DCLK1: variants seen among roughly 807,000 people sequenced by gnomAD.
DCLK1 encodes the protein serine/threonine-protein kinase DCLK1.
Under a neutral mutation model 86.2 loss-of-function variants are expected in DCLK1, and 16 were observed. The observed-to-expected ratio is 0.19, with a 90% CI of 0.13 to 0.28. DCLK1 has a LOEUF of 0.28. Among genes scored for constraint, DCLK1 ranks in the 10% least tolerant of loss-of-function variants. DCLK1 has a pLI of 1.00. For synonymous variants in DCLK1, 369 were observed against 370.5 expected (o/e 1.00, Z 0.05); for missense variants, 590 against 940.2 (o/e 0.63, Z 4.87).
Position 36,072,010 on chromosome 13 carries a change from T to A in DCLK1, c.723+39859A>T, listed in dbSNP as rs570592135. Among the ~76,000 whole-genome samples the A allele has an allele frequency of 1.1e-4, 16 of 152,330 alleles. No individual in the cohort carries two copies. In the South Asian group the frequency reaches 2.7e-3, roughly 26 times the overall value. The stretch of plus-strand genomic sequence containing the variant: ...TAGACCAAATTCTCGATTTTAATAA[T>A]TCAAATATCAGATTGAAGCCATTCT... On this transcript the variant is annotated intron_variant, in intron 3 of 16. Coordinates refer to ENST00000360631, the MANE Select transcript of DCLK1 (RefSeq NM_001330071.2).
At chr13:35,834,918 C>G (rs1356058801) in intron 8 of DCLK1, among the ~76,000 whole-genome samples, 1 of 152,186 alleles carries the variant, frequency 6.6e-6, no homozygotes, top group African/African-American at 2.4e-5. Context: ...ACTCTGCTAC[C>G]TGAGCTGGGG....
At chr13:35,986,046 G>C (rs1371672489) in intron 3 of DCLK1, among the ~76,000 whole-genome samples, 1 of 152,086 alleles carries the variant, frequency 6.6e-6, no homozygotes, top group African/African-American at 2.4e-5. Context: ...GGTCATGCCT[G>C]TAATCCCAGC....
At chr13:36,037,586 C>A (rs557869800) in intron 3 of DCLK1, among the ~76,000 whole-genome samples, 1 of 151,898 alleles carries the variant, frequency 6.6e-6, no homozygotes. Flanking sequence ...TGGGTTCAAG[C>A]GATTCTCGTG....
intron 3 of DCLK1, among the ~76,000 whole-genome samples, chr13:36,037,978 T>C (rs1308776946): frequency 6.6e-6 from 1 of 152,168 alleles, no homozygotes; most frequent in Non-Finnish European, 1.5e-5. Context: ...AAGATACAGC[T>C]CACTGCAGCC....
chr13:35,790,692 C>G (rs951813284), intron 16 of DCLK1, among the ~76,000 whole-genome samples: 2 of 152,010 alleles, frequency 1.3e-5, no homozygotes, highest in African/African-American at 4.8e-5. Flanking sequence ...ATGATGTGAG[C>G]AAATTAATCA....
chr13:35,901,362 T>G (rs973577763), intron 4 of DCLK1, among the ~76,000 whole-genome samples: 2 of 151,564 alleles, frequency 1.3e-5, no homozygotes, highest in Non-Finnish European at 2.9e-5. Context: ...TGGTGGCAGG[T>G]GCCTGTAGTC....
chr13:36,030,821 A>G (rs1025136385), intron 3 of DCLK1, among the ~76,000 whole-genome samples: 2 of 151,988 alleles, frequency 1.3e-5, no homozygotes, highest in African/African-American at 4.8e-5. Flanking sequence ...GGTCCCAGGG[A>G]ATCTCCCCAA....
In DCLK1 at chr13:36,108,087, A is replaced by C. The variant is rs865830523; in HGVS notation, c.723+3782T>G. Among the ~76,000 whole-genome samples the C allele has an allele frequency of 3.9e-3, 580 of 149,590 alleles. 7 individuals carry two copies. Among genetic ancestry groups the C allele is most frequent in the African/African-American group, 0.014 (555 of 40,192 alleles). On this transcript the variant is annotated intron_variant, in intron 3 of 16. Coordinates refer to ENST00000360631, the MANE Select transcript of DCLK1 (RefSeq NM_001330071.2). ...CAAGGCCCAGATTTAAAAAAAAAAAAAATGCATCACTGAAATTAAGGCATG... is the reference window on the plus strand; with the variant it reads ...CAAGGCCCAGATTTAAAAAAAAAAACAATGCATCACTGAAATTAAGGCATG...
intron 4 of DCLK1, among the ~76,000 whole-genome samples, chr13:35,925,609 T>C (rs751717791): frequency 4.5e-4 from 68 of 152,352 alleles, no homozygotes; most frequent in Non-Finnish European, 8.5e-4. Context: ...CATTTTAATG[T>C]GTTTTAAGTT....
At chr13:35,885,278 C>T (rs2153117545) in intron 4 of DCLK1, among the ~76,000 whole-genome samples, 2 of 152,210 alleles carry the variant, frequency 1.3e-5, no homozygotes, top group African/African-American at 4.8e-5. Flanking sequence ...AAAATCATCT[C>T]AGAGCCTGCA....
Position 35,849,136 on chromosome 13 carries a change from A to G in DCLK1, c.1035+5363T>C, listed in dbSNP as rs576812926. On this transcript the variant is annotated intron_variant, in intron 6 of 16. Transcript: ENST00000360631. ...TAGGGCTAAGTTTTCAAATGCTGTT[A>G]GATTGCCTGGACGTTTTTTCTTCTT... 169 of 985,356 alleles carry G rather than the reference A, an allele frequency of 1.7e-4. No homozygotes were observed. The African/African-American group carries it at 2.7e-3, about 16-fold the overall frequency. The allele number at this position is 985,356 out of a possible 1,614,324, so 61.0% of individuals were successfully genotyped here. A position where few individuals can be genotyped will look rare whatever the true frequency, so the allele number is the denominator to read the frequency against.
intron 3 of DCLK1, among the ~76,000 whole-genome samples, chr13:35,984,257 A>C (rs1357719889): frequency 3.3e-5 from 5 of 152,230 alleles, no homozygotes. Context: ...ATCATTAATA[A>C]AACGGAATCC....
intron 10 of DCLK1, among the ~76,000 whole-genome samples, chr13:35,824,796 C>T (rs534349713): frequency 3.9e-5 from 6 of 152,282 alleles, no homozygotes; most frequent in African/African-American, 1.4e-4. Flanking sequence ...CTTCATTCCA[C>T]CCTGTTTAAT....
chr13:36,095,639 TCCAC>T (rs1274888029), intron 3 of DCLK1, among the ~76,000 whole-genome samples: 1 of 152,196 alleles, frequency 6.6e-6, no homozygotes, highest in Non-Finnish European at 1.5e-5. Context: ...ACATATAAAT[TCCAC>T]CACCCCTTCC....
chr13:36,108,767 G>A (rs576733345), intron 3 of DCLK1, among the ~76,000 whole-genome samples: 1 of 152,278 alleles, frequency 6.6e-6, no homozygotes, highest in South Asian at 2.1e-4. Flanking sequence ...TTCCCATATT[G>A]TTTATGGAGT....
At chr13:36,084,543 A>G (rs568056406) in intron 3 of DCLK1, among the ~76,000 whole-genome samples, 201 of 152,320 alleles carry the variant, frequency 1.3e-3, no homozygotes, top group Non-Finnish European at 2.3e-3. Context: ...ATTATAAAGG[A>G]GGGGGACAAA....
rs572501540 is a variant in DCLK1, at chr13:35,830,877, C to T, written c.1230-2570G>A. 1.6e-3 allele frequency among the ~76,000 whole-genome samples: 241 copies of T among 152,312 alleles called. 2 individuals carry two copies. The highest frequency in any genetic ancestry group is 3.4e-3 in the Middle Eastern group (1 of 294). Reference sequence around the variant, plus strand: ...AAGTGGTTTCTTAGCTTGGTGATTTCCCCATGTTTGCCATTTGATGCTCTT... The same window carrying T: ...AAGTGGTTTCTTAGCTTGGTGATTTTCCCATGTTTGCCATTTGATGCTCTT... On this transcript the variant is annotated intron_variant, in intron 8 of 16. Coordinates refer to ENST00000360631, the MANE Select transcript of DCLK1 (RefSeq NM_001330071.2).
In DCLK1 at chr13:35,986,844, G is replaced by A. The variant is rs150104412; in HGVS notation, c.724-39387C>T. On this transcript the variant is annotated intron_variant, in intron 3 of 16. Coordinates refer to ENST00000360631, the MANE Select transcript of DCLK1 (RefSeq NM_001330071.2). The stretch of plus-strand genomic sequence containing the variant: ...TAGTTTTTCAGGGGTGATGATGCGC[G>A]CAATGGGTATGAAGCACAGAACATG... Among the ~76,000 whole-genome samples the A allele has an allele frequency of 1.4e-4, 22 of 152,168 alleles. No homozygotes were observed. The East Asian group carries it at 4.1e-3, about 28-fold the overall frequency.
At chr13:35,996,265 TAAG>T (rs1235135284) in intron 3 of DCLK1, among the ~76,000 whole-genome samples, 2 of 152,156 alleles carry the variant, frequency 1.3e-5, no homozygotes, top group African/African-American at 4.8e-5. Context: ...ATCAGTGCTT[TAAG>T]AAGGAGAGAT....
Sources: gnomAD v4.1 joint callset for allele counts (sites outside exome capture counted in the v4.1 genomes callset) on GRCh38, gnomAD v4.1.1 for gene constraint, MANE v1.5 for transcripts, NCBI Gene and HGNC (gene_info 2026-07-23, HGNC 2026-07-21) for gene names.